The following EPHA3 variants were observed in gnomAD, a reference collection of about 807,000 sequenced individuals.
EPHA3 encodes the protein EPH receptor A3.
Under a neutral mutation model 107.1 loss-of-function variants are expected in EPHA3, and 42 were observed. That is an observed-to-expected ratio of 0.39 (90% CI 0.31 to 0.51). The LOEUF (loss-of-function observed/expected upper bound fraction) is 0.51. Ranked by LOEUF, EPHA3 falls within the 20% of genes least tolerant of loss-of-function variation. The pLI, the probability that EPHA3 is intolerant of heterozygous loss-of-function variation, is 0.78. For synonymous variants in EPHA3, 461 were observed against 424.8 expected, an observed-to-expected ratio of 1.09 and a Z score of -1.05; for missense variants, 1,183 against 1,211.2, an observed-to-expected ratio of 0.98 and a Z score of 0.35.
chr3:89,116,593 A>G (rs1247171030), intron 1 of EPHA3, among the ~76,000 whole-genome samples: 2 of 152,056 alleles, frequency 1.3e-5, no homozygotes, highest in East Asian at 3.9e-4. Context: ...TTTAGCACAT[A>G]TGTTTTGCAT....
At chr3:89,419,170 T>G (rs1360422681) in intron 10 of EPHA3, 35 bp from the exon 11 acceptor site, 1 of 1,529,258 alleles carries the variant, frequency 6.5e-7, no homozygotes, top group African/African-American at 1.4e-5. Context: ...ATTATAGAAT[T>G]CCTTACATTT....
At chr3:89,277,392 A>G (rs1576284023) in intron 3 of EPHA3, among the ~76,000 whole-genome samples, 1 of 152,236 alleles carries the variant, frequency 6.6e-6, no homozygotes, top group African/African-American at 2.4e-5. Context: ...TCAGTACAAT[A>G]TTCACTATAT....
At chr3:89,136,885 G>C (rs1232265335) in intron 2 of EPHA3, among the ~76,000 whole-genome samples, 2 of 151,596 alleles carry the variant, frequency 1.3e-5, no homozygotes, top group Non-Finnish European at 1.5e-5. Context: ...ATTTCAAATA[G>C]AAGACAAAAT....
chr3:89,209,833 ACT>A, intron 2 of EPHA3, 25 bp from the exon 3 acceptor site: 4 of 1,549,866 alleles, frequency 2.6e-6, no homozygotes, highest in Middle Eastern at 3.5e-4. Flanking sequence ...ATTCTGCCTC[ACT>A]CTCTGTTTCT....
chr3:89,419,499 T>C, intron 11 of EPHA3, 109 bp downstream of exon 11: 1 of 942,162 alleles, frequency 1.1e-6, no homozygotes, highest in Non-Finnish European at 1.5e-6. Flanking sequence ...GTATCTCAGT[T>C]TTACCAAAAA....
intron 2 of EPHA3, among the ~76,000 whole-genome samples, chr3:89,154,862 A>G (rs1363756478): frequency 2.0e-5 from 3 of 148,490 alleles, no homozygotes; most frequent in African/African-American, 7.3e-5. Flanking sequence ...ACATTAAAGC[A>G]TCTAAGAACA....
At chr3:89,471,315 T>C (rs552681319) in intron 15 of EPHA3, among the ~76,000 whole-genome samples, 1 of 152,248 alleles carries the variant, frequency 6.6e-6, no homozygotes, top group African/African-American at 2.4e-5. Context: ...TGGTTATAGA[T>C]AGATGTTTAG....
intron 12 of EPHA3, among the ~76,000 whole-genome samples, chr3:89,430,658 T>A (rs890842758): frequency 6.6e-6 from 1 of 152,146 alleles, no homozygotes; most frequent in African/African-American, 2.4e-5. Context: ...AAAACAAATA[T>A]CCAATAAATA....
At chr3:89,255,844 TG>T (rs1364877422) in intron 3 of EPHA3, among the ~76,000 whole-genome samples, 1 of 151,888 alleles carries the variant, frequency 6.6e-6, no homozygotes, top group Non-Finnish European at 1.5e-5. Flanking sequence ...GAGGATGCAG[TG>T]AGCCAAGATC....
chr3:89,431,429 G>A (rs2107537397), intron 13 of EPHA3, 70 bp downstream of exon 13: 2 of 1,368,438 alleles, frequency 1.5e-6, no homozygotes, highest in Non-Finnish European at 2.0e-6. Context: ...TTGTAAATAA[G>A]TAGAAATCAT....
intron 11 of EPHA3, among the ~76,000 whole-genome samples, chr3:89,424,261 C>T (rs546420579): frequency 2.0e-5 from 3 of 151,218 alleles, no homozygotes; most frequent in Non-Finnish European, 4.4e-5. Context: ...ATTCTAAAAA[C>T]TCATAACATT....
chr3:89,473,068 T>C (rs933891738), intron 16 of EPHA3, among the ~76,000 whole-genome samples: 1 of 152,288 alleles, frequency 6.6e-6, no homozygotes, highest in Admixed American at 6.5e-5. Flanking sequence ...AGGAAACATA[T>C]TAAAGTCTAA....
chr3:89,133,595 A>T (rs1484406790), intron 2 of EPHA3, among the ~76,000 whole-genome samples: 3 of 152,184 alleles, frequency 2.0e-5, no homozygotes, highest in African/African-American at 7.2e-5. Context: ...GCGAGAGGTC[A>T]GGTGAATATG....
intron 5 of EPHA3, among the ~76,000 whole-genome samples, chr3:89,346,445 A>G (rs1385689718): frequency 3.4e-5 from 5 of 146,780 alleles, no homozygotes; most frequent in African/African-American, 7.5e-5. Flanking sequence ...CATGTCCTTC[A>G]CCCACTTTTT....
intron 6 of EPHA3, among the ~76,000 whole-genome samples, chr3:89,397,255 G>A (rs1708868200): frequency 6.6e-6 from 1 of 152,020 alleles, no homozygotes; most frequent in Non-Finnish European, 1.5e-5. Flanking sequence ...AAAAATTGTA[G>A]TAGAAATAAA....
At chr3:89,337,074 A>G (rs1189056848) in intron 3 of EPHA3, among the ~76,000 whole-genome samples, 1 of 152,020 alleles carries the variant, frequency 6.6e-6, no homozygotes, top group Non-Finnish European at 1.5e-5. Flanking sequence ...AAGAAAAAAA[A>G]AAAAAGAAAA....
intron 3 of EPHA3, among the ~76,000 whole-genome samples, chr3:89,259,488 G>C (rs1455034757): frequency 3.3e-5 from 5 of 152,176 alleles, no homozygotes; most frequent in Admixed American, 3.3e-4. Flanking sequence ...TGAAATGTCT[G>C]CACTGGAAGT....
chr3:89,320,037 A>G (rs1707006788), intron 3 of EPHA3, among the ~76,000 whole-genome samples: 1 of 151,984 alleles, frequency 6.6e-6, no homozygotes, highest in Admixed American at 6.6e-5. Flanking sequence ...CAGAATGTTC[A>G]CAATTCTGAG....
At chr3:89,434,749 T>C (rs1452967014) in intron 13 of EPHA3, among the ~76,000 whole-genome samples, 1 of 152,218 alleles carries the variant, frequency 6.6e-6, no homozygotes, top group Non-Finnish European at 1.5e-5. Context: ...AAATTGCTCT[T>C]TAACATTTCT....
Sources: allele counts gnomAD v4.1 joint callset (sites outside exome capture counted in the v4.1 genomes callset), GRCh38; gene constraint gnomAD v4.1.1; transcripts MANE v1.5; gene names NCBI Gene and HGNC (gene_info 2026-07-23, HGNC 2026-07-21).